The following TRIM16 variants were observed in gnomAD, a reference collection of about 807,000 sequenced individuals.
TRIM16 encodes the protein tripartite motif containing 16.
In TRIM16, 33 loss-of-function variants were observed where a neutral mutation model predicts 50.4. The ratio of observed to expected loss-of-function variants is 0.65; its 90% CI spans 0.50 to 0.88. TRIM16 has a LOEUF of 0.88. TRIM16 is among the 40% of genes least tolerant of loss of function. TRIM16 has a pLI of 0.00. For missense variants in TRIM16, 581 were observed against 686.8 expected (o/e 0.85, Z 1.72); for synonymous variants, 229 against 270.7 (o/e 0.85, Z 1.51).
At chr17:15,654,741 T>G (rs1302524431) in intron 6 of TRIM16, among the ~76,000 whole-genome samples, 1 of 152,226 alleles carries the variant, frequency 6.6e-6, no homozygotes, top group Non-Finnish European at 1.5e-5. Flanking sequence ...TTCTCGCTTC[T>G]GTAATATGCT....
chr17:15,653,431 C>A (rs766622988), intron 6 of TRIM16, among the ~76,000 whole-genome samples: 1 of 152,192 alleles, frequency 6.6e-6, no homozygotes, highest in Non-Finnish European at 1.5e-5. Context: ...AGCAAAGAAC[C>A]ATACACTGGT....
In TRIM16 at chr17:15,636,366, A is replaced by G. The variant is rs1416473101; in HGVS notation, c.616-97T>C. 37 of 1,344,488 alleles carry G rather than the reference A, an allele frequency of 2.8e-5. 2 individuals are homozygous for G. The highest frequency in any genetic ancestry group is 2.0e-4 in the Middle Eastern group (1 of 5,044). The allele number at this position is 1,344,488 out of a possible 1,614,324, so 83.3% of individuals were successfully genotyped here. The stretch of plus-strand genomic sequence containing the variant: ...ATACAGAAATGTCAGCTTGAGAAAC[A>G]CATATATTAGGGAGCAGTTCCCTAT... On this transcript the variant is annotated intron_variant, in intron 8 of 11. Coordinates refer to ENST00000649191, the MANE Select transcript of TRIM16 (RefSeq NM_001348119.1).
At position 15,628,913 on chromosome 17, in the gene TRIM16, G is replaced by C. The variant is rs1355665764; in HGVS notation, c.1397C>G (p.Ser466Cys). The C allele has an allele frequency of 1.2e-6, 2 of 1,614,120 alleles. No homozygotes were observed. Among genetic ancestry groups the C allele is most frequent in the African/African-American group, 1.3e-5 (1 of 74,938 alleles). The change falls in exon 12 of 12, where the codon TCC becomes TGC. Residue 466 changes from serine (S) to cysteine (C), a missense_variant. This residue lies in a region of TRIM16 where 115 missense variants were observed against 106.7 expected (regional missense o/e 1.08). Coordinates refer to ENST00000649191, the MANE Select transcript of TRIM16 (RefSeq NM_001348119.1). ...CTTCCCGTTCCATTGGAGGCTCCAG[G>C]AGAAGTTGTTTCCGGAAATGCAACT... is the stretch of plus-strand genomic sequence containing the variant. ...RNSCISGNNF[S>C]WSLQWNGKEF... is the part of the protein sequence containing the mutation.
chr17:15,629,289 T>C, intron 11 of TRIM16, 91 bp from the exon 12 acceptor site: 1 of 726,380 alleles, frequency 1.4e-6, no homozygotes, highest in African/African-American at 1.8e-5. Context: ...CCAAAGCACA[T>C]ATGAGAAAAC....
intron 11 of TRIM16, 121 bp from the exon 12 acceptor site, chr17:15,629,319 A>G: frequency 6.3e-6 from 4 of 633,780 alleles, no homozygotes; most frequent in Non-Finnish European, 1.1e-5. Context: ...TCTGTTCTCT[A>G]TTTACCCAGG....
chr17:15,680,571 C>T, intron 4 of TRIM16, among the ~76,000 whole-genome samples: 1 of 152,022 alleles, frequency 6.6e-6, no homozygotes, highest in East Asian at 1.9e-4. Context: ...TCCCATCCTG[C>T]CCCTACCATC....
At chr17:15,654,196 CAG>C (rs1987864503) in intron 6 of TRIM16, 1 of 152,206 alleles carries the variant, frequency 6.6e-6, no homozygotes, top group South Asian at 2.1e-4. Flanking sequence ...AGTGACTACT[CAG>C]AGTTAGAAGG....
At chr17:15,648,967 C>G (rs1987549620) in intron 7 of TRIM16, among the ~76,000 whole-genome samples, 1 of 152,200 alleles carries the variant, frequency 6.6e-6, no homozygotes, top group Non-Finnish European at 1.5e-5. Context: ...CAGCCCCAAA[C>G]TGCCCTCAAG....
intron 6 of TRIM16, among the ~76,000 whole-genome samples, chr17:15,661,480 A>G (rs1196291296): frequency 6.6e-6 from 1 of 152,162 alleles, no homozygotes; most frequent in Non-Finnish European, 1.5e-5. Context: ...TTCCCTGTGT[A>G]CTAAGCAAGG....
chr17:15,638,119 G>A (rs1382861919), intron 8 of TRIM16, among the ~76,000 whole-genome samples: 1 of 128,534 alleles, frequency 7.8e-6, no homozygotes, highest in Non-Finnish European at 1.6e-5. Context: ...GCGGAAGGCC[G>A]CAGGGTCCTC....
rs1989289752 is a variant in TRIM16, at chr17:15,684,239, T to C, written c.-942A>G. On this transcript the variant is annotated 5_prime_UTR_variant, in exon 1 of 12. Transcript: ENST00000649191. ...CTCCCCGGTCCAGACACAGAGAGGG[T>C]GTCTGCTCTGGGGGACAGGGAGGAC... The C allele has an allele frequency of 6.6e-6, 1 of 151,818 alleles. No individual in the cohort carries two copies. The highest frequency in any genetic ancestry group is 1.5e-5 in the Non-Finnish European group (1 of 68,002). 9.4% of individuals were successfully genotyped at this position (151,818 alleles called of 1,614,324 possible).
chr17:15,643,923 A>G (rs1244620656), intron 7 of TRIM16, among the ~76,000 whole-genome samples: 2 of 152,110 alleles, frequency 1.3e-5, no homozygotes, highest in African/African-American at 4.8e-5. Flanking sequence ...TCTTTGTCTT[A>G]TAGTCACACA....
chr17:15,668,339 A>G (rs1418907258), intron 6 of TRIM16, among the ~76,000 whole-genome samples: 1 of 152,224 alleles, frequency 6.6e-6, no homozygotes, highest in East Asian at 1.9e-4. Context: ...CATGTTGTAT[A>G]GCAGTTTATG....
In TRIM16 at chr17:15,680,889, A is replaced by T; in HGVS notation, c.-614T>A. The stretch of plus-strand genomic sequence containing the variant: ...CCTGGGACTCTGCTGTCCGGCAAAG[A>T]GCAGCCATATTTTCCTTCTTAAGAT... On this transcript the variant is annotated 5_prime_UTR_variant, in exon 4 of 12. Transcript: ENST00000649191. 2.6e-6 allele frequency: 4 copies of T among 1,546,916 alleles called. No individual in the cohort carries two copies. In the South Asian group the frequency reaches 3.6e-5, roughly 14 times the overall value.
chr17:15,676,568 T>C (rs1423824873), intron 6 of TRIM16, among the ~76,000 whole-genome samples: 1 of 151,538 alleles, frequency 6.6e-6, no homozygotes, highest in Non-Finnish European at 1.5e-5. Flanking sequence ...CCCAAGTAGC[T>C]GGGACTACAG....
intron 7 of TRIM16, among the ~76,000 whole-genome samples, chr17:15,648,497 G>A (rs1473516895): frequency 1.3e-5 from 2 of 152,182 alleles, no homozygotes; most frequent in East Asian, 3.9e-4. Context: ...ATCCTAAGCA[G>A]GATCTCAGCC....
At chr17:15,631,513 T>C (rs1188920979) in intron 11 of TRIM16, 106 bp downstream of exon 11, 8 of 994,662 alleles carry the variant, frequency 8.0e-6, no homozygotes, top group Non-Finnish European at 1.2e-5. Context: ...GAGATAGATA[T>C]GAAGTTGCAA....
At chr17:15,673,939 T>C (rs1371280393) in intron 6 of TRIM16, among the ~76,000 whole-genome samples, 2 of 152,186 alleles carry the variant, frequency 1.3e-5, no homozygotes, top group African/African-American at 4.8e-5. Flanking sequence ...AGTTACTATG[T>C]AAGGCTGACA....
intron 7 of TRIM16, among the ~76,000 whole-genome samples, chr17:15,648,364 A>G (rs1987520771): frequency 6.6e-6 from 1 of 152,116 alleles, no homozygotes; most frequent in African/African-American, 2.4e-5. Context: ...AGCAGGAGAG[A>G]AAAGATAATC....
Sources: allele counts gnomAD v4.1 joint callset (sites outside exome capture counted in the v4.1 genomes callset), GRCh38; gene constraint gnomAD v4.1.1; regional missense constraint gnomAD v4.1.1; transcripts MANE v1.5; gene names NCBI Gene and HGNC (gene_info 2026-07-23, HGNC 2026-07-21).